The following DNAH9 variants were observed in gnomAD, a reference collection of about 807,000 sequenced individuals.
DNAH9 encodes the protein dynein axonemal heavy chain 9, also known as DNAH9 variant protein.
A neutral mutation model predicts 471.6 loss-of-function variants in DNAH9; 345 were observed. That is an observed-to-expected ratio of 0.73 (90% CI 0.67 to 0.80). The LOEUF (loss-of-function observed/expected upper bound fraction) is 0.80. Ranked by LOEUF, DNAH9 falls within the 30% of genes least tolerant of loss-of-function variation. The pLI is 0.00. For missense variants in DNAH9, 5,407 were observed against 5,609.2 expected (o/e 0.96, Z 1.15); for synonymous variants, 2,093 against 2,123.6 (o/e 0.99, Z 0.40).
Position 11,875,119 on chromosome 17 carries a change from A to G in DNAH9, c.10413A>G (p.Gln3471=). The change falls in exon 53 of 69, where the codon CAA becomes CAG. Residue 3471 remains glutamine (Q), a synonymous_variant. Coordinates refer to ENST00000262442, the MANE Select transcript of DNAH9 (RefSeq NM_001372.4). ...CACTCATGGTTGACCCTCAGCTACA[A>G]GGCATCAAATGGATCAAGAATAAAT... is the stretch of plus-strand genomic sequence containing the variant. ...RWPLMVDPQL[Q]GIKWIKNKYG... The G allele has an allele frequency of 6.2e-7, 1 of 1,614,178 alleles. No homozygotes were observed. The highest frequency in any genetic ancestry group is 8.5e-7 in the Non-Finnish European group (1 of 1,180,038).
chr17:11,795,181 A>G (rs1969200821), intron 42 of DNAH9, among the ~76,000 whole-genome samples: 1 of 152,168 alleles, frequency 6.6e-6, no homozygotes, highest in Non-Finnish European at 1.5e-5. Flanking sequence ...CTTTCCTCTC[A>G]TTAAACCTAT....
intron 48 of DNAH9, 86 bp downstream of exon 48, chr17:11,823,120 C>A: frequency 8.8e-7 from 1 of 1,131,554 alleles, no homozygotes; most frequent in South Asian, 1.6e-5. Flanking sequence ...GGATCACAAT[C>A]AAGATCTGAA....
chr17:11,843,504 T>C (rs1203280970), intron 49 of DNAH9, among the ~76,000 whole-genome samples: 1 of 151,954 alleles, frequency 6.6e-6, no homozygotes. Flanking sequence ...GATTCAATTT[T>C]GTAAGGACAC....
rs117577626 is a variant in DNAH9, at chr17:11,881,371, C to T, written c.10764C>T (p.Ala3588=). ...TRDGLEDQLL[A]AVVSMERPDL... ...ATGGCCTGGAGGACCAGTTGCTGGC[C>T]GCTGTGGTCAGCATGGAGAGGCCAG... Residue 3588 remains alanine, a synonymous_variant, in exon 55 of 69, where the codon GCC becomes GCT. Transcript: ENST00000262442. 5.1e-3 allele frequency: 8,214 copies of T among 1,613,832 alleles called. 28 individuals are homozygous for T. Among genetic ancestry groups the T allele is most frequent in the Non-Finnish European group, 6.2e-3 (7,295 of 1,180,008 alleles).
intron 41 of DNAH9, among the ~76,000 whole-genome samples, chr17:11,786,347 T>TA (rs113473867): frequency 0.012 from 1,853 of 150,518 alleles, 39 homozygotes; most frequent in African/African-American, 0.042. Context: ...TCAGGGAGGT[T>TA]AAAAAAAAAA....
intron 35 of DNAH9, among the ~76,000 whole-genome samples, chr17:11,758,786 G>C (rs887837494): frequency 6.6e-6 from 1 of 152,124 alleles, no homozygotes; most frequent in Non-Finnish European, 1.5e-5. Context: ...AGTCAAGTAG[G>C]TGACATTGTG....
intron 43 of DNAH9, among the ~76,000 whole-genome samples, chr17:11,798,319 G>A (rs565953998): frequency 6.6e-6 from 1 of 150,900 alleles, no homozygotes; most frequent in African/African-American, 2.4e-5. Context: ...TATCATCCCA[G>A]CTACTCCAGA....
intron 43 of DNAH9, among the ~76,000 whole-genome samples, chr17:11,804,468 A>G (rs1479653797): frequency 6.6e-6 from 1 of 152,264 alleles, no homozygotes; most frequent in Non-Finnish European, 1.5e-5. Context: ...GGCAATGGGC[A>G]TGAACAGAAA....
intron 3 of DNAH9, 64 bp downstream of exon 3, chr17:11,610,618 G>A: frequency 6.6e-7 from 1 of 1,523,098 alleles, no homozygotes; most frequent in Non-Finnish European, 9.0e-7. Flanking sequence ...TAAAGCTAGA[G>A]CTTTCCTGGG....
chr17:11,710,130 C>T (rs971462187), intron 26 of DNAH9, among the ~76,000 whole-genome samples: 2 of 152,068 alleles, frequency 1.3e-5, no homozygotes, highest in Non-Finnish European at 2.9e-5. Flanking sequence ...AAACTGAGAT[C>T]ATATCTTATA....
intron 61 of DNAH9, among the ~76,000 whole-genome samples, chr17:11,923,086 T>TTA (rs1395552380): frequency 8.6e-5 from 13 of 151,994 alleles, no homozygotes; most frequent in African/African-American, 3.1e-4. Flanking sequence ...TTGTTTTGTT[T>TTA]TGTTTTGAGA....
intron 10 of DNAH9, 102 bp downstream of exon 10, chr17:11,640,486 A>G (rs2073251202): frequency 1.2e-6 from 1 of 814,480 alleles, no homozygotes; most frequent in South Asian, 1.4e-5. Context: ...AAGGCCAGAA[A>G]ATCATCTTCC....
chr17:11,719,900 A>C (rs2075024536), intron 27 of DNAH9, among the ~76,000 whole-genome samples: 1 of 152,158 alleles, frequency 6.6e-6, no homozygotes, highest in African/African-American at 2.4e-5. Flanking sequence ...CTTCACATAA[A>C]AGCTTGACGT....
At chr17:11,875,312 T>C in intron 53 of DNAH9, 128 bp downstream of exon 53, 1 of 721,456 alleles carries the variant, frequency 1.4e-6, no homozygotes, top group Non-Finnish European at 2.3e-6. Flanking sequence ...TTCTCACGTT[T>C]CTCCGTCCAT....
intron 67 of DNAH9, among the ~76,000 whole-genome samples, chr17:11,946,855 C>T (rs28669699): frequency 0.032 from 4,841 of 152,198 alleles, 247 homozygotes; most frequent in African/African-American, 0.11. Context: ...ATTAATTGGA[C>T]AAACCCAAAT....
intron 15 of DNAH9, among the ~76,000 whole-genome samples, chr17:11,665,695 A>G (rs2073853837): frequency 6.6e-6 from 1 of 152,260 alleles, no homozygotes; most frequent in Non-Finnish European, 1.5e-5. Flanking sequence ...ACATTCTGGC[A>G]GATTCTGAGT....
At chr17:11,913,579 G>C (rs981393642) in intron 61 of DNAH9, among the ~76,000 whole-genome samples, 6 of 152,016 alleles carry the variant, frequency 3.9e-5, no homozygotes, top group African/African-American at 1.4e-4. Context: ...TCAGGAGATC[G>C]AGACCATCCT....
At chr17:11,649,889 T>C (rs889324061) in intron 12 of DNAH9, among the ~76,000 whole-genome samples, 8 of 152,206 alleles carry the variant, frequency 5.3e-5, no homozygotes, top group Non-Finnish European at 1.2e-4. Context: ...TTAGGAAATA[T>C]GTGACAGATA....
At chr17:11,603,264 T>C (rs1332405339) in intron 1 of DNAH9, among the ~76,000 whole-genome samples, 2 of 152,240 alleles carry the variant, frequency 1.3e-5, no homozygotes, top group East Asian at 1.9e-4. Context: ...ATTTTCTTGC[T>C]CTTTTAGATC....
Sources: allele counts gnomAD v4.1 joint callset (sites outside exome capture counted in the v4.1 genomes callset), GRCh38; gene constraint gnomAD v4.1.1; transcripts MANE v1.5; gene names NCBI Gene and HGNC (gene_info 2026-07-23, HGNC 2026-07-21).